The following TUSC3 variants were observed in gnomAD, a reference collection of about 807,000 sequenced individuals.
TUSC3 encodes dolichyl-diphosphooligosaccharide--protein glycosyltransferase subunit TUSC3.
Under a neutral mutation model 44.8 loss-of-function variants are expected in TUSC3, and 45 were observed. That is an observed-to-expected ratio of 1.00 (90% CI 0.79 to 1.29). The LOEUF is 1.29. Among genes scored for constraint, TUSC3 ranks in the 50% most tolerant of loss-of-function variants. TUSC3 has a pLI of 0.00. For synonymous variants in TUSC3, 212 were observed against 152.9 expected (o/e 1.39, Z -2.85); for missense variants, 519 against 437.9 (o/e 1.19, Z -1.65).
chr8:15,719,879 G>C (rs1810229627), intron 6 of TUSC3, among the ~76,000 whole-genome samples: 1 of 152,008 alleles, frequency 6.6e-6, no homozygotes, highest in Admixed American at 6.6e-5. Flanking sequence ...TTGTGTATGA[G>C]ATTTCTGTTA....
the TUSC3 span, among the ~76,000 whole-genome samples, chr8:15,845,466 C>G: frequency 2.0e-5 from 3 of 152,276 alleles, no homozygotes; most frequent in East Asian, 5.8e-4. Flanking sequence ...TAGATTATTT[C>G]CGTTCCCCAA....
At chr8:15,522,013 C>G (rs545438010) in intron 2 of TUSC3, among the ~76,000 whole-genome samples, 3 of 152,204 alleles carry the variant, frequency 2.0e-5, no homozygotes, top group Admixed American at 6.5e-5. Flanking sequence ...AAATGAGAAG[C>G]ATGTTACAAT....
At chr8:15,685,844 C>T (rs1808604772) in intron 6 of TUSC3, among the ~76,000 whole-genome samples, 1 of 148,126 alleles carries the variant, frequency 6.8e-6, no homozygotes, top group Non-Finnish European at 1.5e-5. Context: ...GTTGGGTATT[C>T]ATTTAGTTCT....
chr8:15,419,509 A>T (rs1372686864), intron 1 of TUSC3, among the ~76,000 whole-genome samples: 3 of 152,206 alleles, frequency 2.0e-5, no homozygotes, highest in Non-Finnish European at 4.4e-5. Flanking sequence ...ACATGTGCCA[A>T]ATTTGATGTG....
intron 1 of TUSC3, among the ~76,000 whole-genome samples, chr8:15,621,177 A>T (rs1805228675): frequency 6.6e-6 from 1 of 151,884 alleles, no homozygotes; most frequent in African/African-American, 2.4e-5. Context: ...ATATTTATAT[A>T]GTTTTTATCT....
rs115161621 is a variant in TUSC3, at chr8:15,724,663, C to A, written c.799-6003C>A. 3.4e-3 allele frequency among the ~76,000 whole-genome samples: 523 copies of A among 152,200 alleles called. 4 individuals are homozygous for A. The highest frequency in any genetic ancestry group is 0.012 in the African/African-American group (501 of 41,536). ...GAGAGATTATCACTTAAAAGATTTT[C>A]TTAGATTTTGCATGTCCATTGCCCT... On this transcript the variant is annotated intron_variant, in intron 6 of 10. Coordinates refer to ENST00000503731, the MANE Select transcript of TUSC3 (RefSeq NM_006765.4).
chr8:15,417,682 GCA>G (rs1799676317), intron 1 of TUSC3, among the ~76,000 whole-genome samples: 3 of 152,194 alleles, frequency 2.0e-5, no homozygotes, highest in Non-Finnish European at 4.4e-5. Flanking sequence ...AAGATGCTGA[GCA>G]CTCATCACTG....
At chr8:15,434,901 T>C (rs7840222) in intron 1 of TUSC3, among the ~76,000 whole-genome samples, 24,569 of 151,206 alleles carry the variant, frequency 0.16, 2,069 homozygotes, top group Middle Eastern at 0.22. Flanking sequence ...TTCCATGGTG[T>C]ATATGTGCCA....
chr8:15,473,429 A>G (rs1262144316), intron 1 of TUSC3, among the ~76,000 whole-genome samples: 5 of 152,180 alleles, frequency 3.3e-5, no homozygotes, highest in East Asian at 3.9e-4. Context: ...CTTTATCTGA[A>G]TTTGCTCTTC....
rs1585100381 is a variant in TUSC3 at position 15,559,587 on chromosome 8, A to G, written c.138+19019A>G. 3.6e-5 allele frequency among the ~76,000 whole-genome samples: 5 copies of G among 140,442 alleles called. 1 individual carries two copies. Among genetic ancestry groups the G allele is most frequent in the African/African-American group, 1.0e-4 (4 of 38,418 alleles). 92.1% of individuals were successfully genotyped at this position (140,442 alleles called of 152,430 possible). A position where few individuals can be genotyped will look rare whatever the true frequency, so the allele number is the denominator to read the frequency against. On this transcript the variant is annotated intron_variant, in intron 1 of 10. Transcript: ENST00000503731. ...GACTTTCTGTCTCGTTGATCTGTCT[A>G]ATGTTGACGGTGGGGTGCTAAAGTC...
the TUSC3 span, among the ~76,000 whole-genome samples, chr8:15,809,310 A>G: frequency 1.3e-5 from 2 of 152,170 alleles, no homozygotes; most frequent in African/African-American, 4.8e-5. Context: ...TGTCCTTTAA[A>G]CTCAGAGTTC....
intron 5 of TUSC3, among the ~76,000 whole-genome samples, chr8:15,669,463 TC>T (rs1163844124): frequency 2.0e-5 from 3 of 151,770 alleles, no homozygotes; most frequent in Admixed American, 2.0e-4. Flanking sequence ...GGCCAGTCTT[TC>T]TCATGGATAT....
At chr8:15,539,345 C>CTTTTTTTTTTTTTTTTTTGTTT (rs1801592282), upstream of TUSC3, among the ~76,000 whole-genome samples, 1 of 69,396 alleles carries the variant, frequency 1.4e-5, no homozygotes, top group African/African-American at 6.1e-5. Context: ...TGCTATGGTT[C>CTTTTTTTTTTTTTTTTTTGTTT]TTTTTTTTTT....
chr8:15,722,644 T>TACA (rs996581606), intron 6 of TUSC3, among the ~76,000 whole-genome samples: 9 of 152,148 alleles, frequency 5.9e-5, no homozygotes, highest in African/African-American at 2.2e-4. Context: ...ACTTCATGTA[T>TACA]ACAGAATCTT....
the TUSC3 span, among the ~76,000 whole-genome samples, chr8:15,801,312 T>A: frequency 6.6e-6 from 1 of 152,108 alleles, no homozygotes; most frequent in Non-Finnish European, 1.5e-5. Context: ...TGAGAGCATT[T>A]TTGGGAGATT....
intron 1 of TUSC3, among the ~76,000 whole-genome samples, chr8:15,567,889 G>C (rs952383372): frequency 1.3e-5 from 2 of 152,116 alleles, no homozygotes; most frequent in Non-Finnish European, 2.9e-5. Flanking sequence ...GTTTGCATTT[G>C]GGTTGTTGGT....
intron 2 of TUSC3, among the ~76,000 whole-genome samples, chr8:15,490,610 G>C (rs1800795580): frequency 6.6e-6 from 1 of 152,182 alleles, no homozygotes. Context: ...CAGCTGCCAG[G>C]TGTGCTGGGT....
At chr8:15,830,299 T>A in the TUSC3 span, among the ~76,000 whole-genome samples, 6 of 152,188 alleles carry the variant, frequency 3.9e-5, no homozygotes, top group South Asian at 1.0e-3. Context: ...TAAGTCTCAT[T>A]TTTCTATGCT....
At chr8:15,503,937 CA>C (rs1801008749) in intron 2 of TUSC3, among the ~76,000 whole-genome samples, 1 of 148,798 alleles carries the variant, frequency 6.7e-6, no homozygotes, top group Non-Finnish European at 1.5e-5. Context: ...ATTGCTTGAA[CA>C]GGGGAGGTGG....
Sources: gnomAD v4.1 joint callset for allele counts (sites outside exome capture counted in the v4.1 genomes callset) on GRCh38, gnomAD v4.1.1 for gene constraint, MANE v1.5 for transcripts, NCBI Gene and HGNC (gene_info 2026-07-23, HGNC 2026-07-21) for gene names.